PDZD2: variants seen among roughly 807,000 people sequenced by gnomAD.
The protein encoded by PDZD2 is PDZ domain containing 2.
PDZD2 carries 90 observed loss-of-function variants against 220.7 expected under a neutral mutation model. That is an observed-to-expected ratio of 0.41 (90% confidence interval 0.34 to 0.49). PDZD2 has a LOEUF of 0.49. PDZD2 is among the 20% of genes least tolerant of loss of function. The probability of loss-of-function intolerance (pLI) is 0.28; values close to 1 mark genes in which losing one functional copy is unlikely to be tolerated. For synonymous variants in PDZD2, 1,375 were observed against 1,450.5 expected, an observed-to-expected ratio of 0.95 and a Z score of 1.18; for missense variants, 3,174 against 3,608.5, an observed-to-expected ratio of 0.88 and a Z score of 3.08.
In PDZD2 at chr5:32,014,254, T is replaced by G. The variant is rs1561350609; in HGVS notation, c.1407+3772T>G. 2.0e-5 allele frequency among the ~76,000 whole-genome samples: 3 copies of G among 152,222 alleles called. No individual in the cohort carries two copies. In the South Asian group the frequency reaches 6.2e-4, roughly 32 times the overall value. On this transcript the variant is annotated intron_variant, in intron 6 of 24. Coordinates refer to ENST00000438447, the MANE Select transcript of PDZD2 (RefSeq NM_178140.4). ...CTGTTTTTGCACCTGTATGTCGTCGTGTACTCCGAGCACTTAAGCTGAGCA... is the reference window on the plus strand; with the variant it reads ...CTGTTTTTGCACCTGTATGTCGTCGGGTACTCCGAGCACTTAAGCTGAGCA...
rs1276461348 is a variant in PDZD2 at position 31,850,045 on chromosome 5, TATATAC to T, written c.476+50322_476+50327del. The stretch of plus-strand genomic sequence containing the variant: ...ATATACTCATATATACACGTATATA[TATATAC>T]GTGTATATATAAGTATATATATGTG... On this transcript the variant is annotated intron_variant, in intron 2 of 24. Transcript: ENST00000438447. 2.9e-5 allele frequency among the ~76,000 whole-genome samples: 4 copies of T among 138,042 alleles called. 1 individual carries two copies. The highest frequency in any genetic ancestry group is 1.1e-4 in the African/African-American group (4 of 36,706). The allele number at this position is 138,042 out of a possible 152,430, so 90.6% of individuals were successfully genotyped here. A position where few individuals can be genotyped will look rare whatever the true frequency, so the allele number is the denominator to read the frequency against.
intron 8 of PDZD2, among the ~76,000 whole-genome samples, chr5:32,051,981 T>TC (rs1738602510): frequency 6.6e-6 from 1 of 152,186 alleles, no homozygotes. Context: ...CCACAGGTGG[T>TC]CATCCTGTAT....
rs879288343 is a variant in PDZD2, at chr5:31,975,793, C to CTTTTTTTTTTTTTTTTT, written c.477-7353_477-7352insTTTTTTTTTTTTTTTTT. Among the ~76,000 whole-genome samples the CTTTTTTTTTTTTTTTTT allele has an allele frequency of 1.6e-4, 9 of 55,182 alleles. 4 individuals are homozygous for CTTTTTTTTTTTTTTTTT. The highest frequency in any genetic ancestry group is 2.2e-4 in the Non-Finnish European group (7 of 32,318). 36.2% of individuals were successfully genotyped at this position (55,182 alleles called of 152,430 possible). On this transcript the variant is annotated intron_variant, in intron 2 of 24. Transcript: ENST00000438447. ...ATGAGCACACTGAAGGTATCAGTCA[C>CTTTTTTTTTTTTTTTTT]TTTTTTTTTATTTATTTTTTTTTTT...
chr5:32,000,832 AT>A lies in PDZD2; in HGVS notation c.1254+562del, dbSNP rs1343617729. The stretch of plus-strand genomic sequence containing the variant: ...GCCCTTTAAGAGTTTTTATAGGTAT[AT>A]GTTAGGGCAGGTGTCCCCAGCCCCT... On this transcript the variant is annotated intron_variant, in intron 5 of 24. Coordinates refer to ENST00000438447, the MANE Select transcript of PDZD2 (RefSeq NM_178140.4). This position sits in a 1 kb window ranked among gnomAD's most constrained non-coding sequence, Gnocchi z 4.5. 6.6e-6 allele frequency among the ~76,000 whole-genome samples: 1 copy of A among 152,104 alleles called. No individual in the cohort carries two copies. The highest frequency in any genetic ancestry group is 1.5e-5 in the Non-Finnish European group (1 of 68,018).
chr5:31,728,574 T>C (rs1561412467), intron 1 of PDZD2, among the ~76,000 whole-genome samples: 1 of 152,330 alleles, frequency 6.6e-6, no homozygotes, highest in East Asian at 1.9e-4. Context: ...ACATTCGATC[T>C]GATGCTTCGT....
chr5:32,010,148 T>C (rs1423222), intron 5 of PDZD2, among the ~76,000 whole-genome samples, 182 bp from the exon 6 acceptor site: 19,953 of 146,382 alleles, frequency 0.14, 1,650 homozygotes, highest in South Asian at 0.3. Context: ...GGGGAAAAAA[T>C]GGATTTGGGT....
intron 2 of PDZD2, among the ~76,000 whole-genome samples, chr5:31,909,679 G>A (rs1305531892): frequency 1.3e-5 from 2 of 152,112 alleles, no homozygotes; most frequent in East Asian, 3.8e-4. Context: ...AAATAGTCAT[G>A]TATAGCTCTA....
At chr5:31,901,001 A>G (rs1167741200) in intron 2 of PDZD2, among the ~76,000 whole-genome samples, 1 of 152,218 alleles carries the variant, frequency 6.6e-6, no homozygotes, top group African/African-American at 2.4e-5. Flanking sequence ...TTCTCTGAAC[A>G]CTAGTGTGTT....
chr5:32,089,086 A>G lies in PDZD2; in HGVS notation c.5638A>G (p.Lys1880Glu), dbSNP rs1356111799. 1.9e-6 allele frequency: 3 copies of G among 1,614,038 alleles called. No individual in the cohort carries two copies. The highest frequency in any genetic ancestry group is 1.1e-5 in the South Asian group (1 of 91,076). The change falls in exon 20 of 25, where the codon AAG (lysine) becomes GAG (glutamate). Residue 1880 changes from lysine to glutamate, a missense_variant. Physicochemically the swap from Lys to Glu is moderately conservative, Grantham distance 56. Coordinates refer to ENST00000438447, the MANE Select transcript of PDZD2 (RefSeq NM_178140.4). ...EMLLTNGQKA[K>E]CGPKLKRLSL... is the part of the protein sequence containing the mutation. ...GCTTCTGACTAATGGTCAGAAGGCAAAGTGTGGTCCGAAGCTGAAGAGGCT... is the reference window on the plus strand; with the variant it reads ...GCTTCTGACTAATGGTCAGAAGGCAGAGTGTGGTCCGAAGCTGAAGAGGCT...
chr5:31,848,565 A>T (rs530521384), intron 2 of PDZD2, among the ~76,000 whole-genome samples: 1 of 151,860 alleles, frequency 6.6e-6, no homozygotes, highest in Middle Eastern at 3.4e-3. Context: ...CCTGGCCAAC[A>T]TGGTGAAACC....
intron 6 of PDZD2, among the ~76,000 whole-genome samples, chr5:32,035,890 T>C (rs1192073064): frequency 6.6e-6 from 1 of 152,240 alleles, no homozygotes; most frequent in African/African-American, 2.4e-5. Context: ...CTGAATGGCA[T>C]CTTTAAGAGA....
intron 2 of PDZD2, among the ~76,000 whole-genome samples, chr5:31,886,326 C>T (rs1396375387): frequency 6.6e-6 from 1 of 152,124 alleles, no homozygotes; most frequent in East Asian, 1.9e-4. Context: ...CGACTCCAAG[C>T]TTTGGTTGAG....
Position 32,102,752 on chromosome 5 carries a change from G to A in PDZD2, c.8353+1513G>A, listed in dbSNP as rs114595346. Among the ~76,000 whole-genome samples the A allele has an allele frequency of 5.5e-3, 834 of 152,130 alleles. 6 individuals are homozygous for A. Among genetic ancestry groups the A allele is most frequent in the Middle Eastern group, 0.014 (4 of 294 alleles). Reference sequence around the variant, plus strand: ...GGAATGTTACCCATGAAACAGGACCGAAGAGGGTATTCAGAAGGAGCAAGC... The same window carrying A: ...GGAATGTTACCCATGAAACAGGACCAAAGAGGGTATTCAGAAGGAGCAAGC... On this transcript the variant is annotated intron_variant, in intron 24 of 24. Transcript: ENST00000438447.
intron 6 of PDZD2, among the ~76,000 whole-genome samples, chr5:32,023,629 C>G (rs1754398605): frequency 6.6e-6 from 1 of 152,172 alleles, no homozygotes; most frequent in South Asian, 2.1e-4. Context: ...AGATACCATG[C>G]TAGCTTCTTG....
At chr5:32,037,394 C>A in intron 7 of PDZD2, 52 bp downstream of exon 7, 1 of 1,034,520 alleles carries the variant, frequency 9.7e-7, no homozygotes. Context: ...TTTTCAGCCT[C>A]AGGAGCAGGG....
At chr5:32,058,421 C>T (rs1362526945) in intron 12 of PDZD2, among the ~76,000 whole-genome samples, 3 of 149,560 alleles carry the variant, frequency 2.0e-5, no homozygotes, top group African/African-American at 7.5e-5. Flanking sequence ...GTAATCCTAG[C>T]ACTTTGGGAA....
chr5:32,043,019 C>A (rs772202763), intron 7 of PDZD2, among the ~76,000 whole-genome samples: 1 of 152,240 alleles, frequency 6.6e-6, no homozygotes, highest in Non-Finnish European at 1.5e-5. Flanking sequence ...GGAAAAAGAT[C>A]TGCCTCCCAG....
chr5:31,808,624 C>T (rs997944904), intron 2 of PDZD2, among the ~76,000 whole-genome samples: 2 of 152,152 alleles, frequency 1.3e-5, no homozygotes, highest in Non-Finnish European at 2.9e-5. Context: ...AGAAGAGTGA[C>T]GCCTAGAATT....
At chr5:31,853,045 A>G (rs1008516361) in intron 2 of PDZD2, among the ~76,000 whole-genome samples, 1 of 152,252 alleles carries the variant, frequency 6.6e-6, no homozygotes, top group Non-Finnish European at 1.5e-5. Flanking sequence ...AATTATTATT[A>G]GAAAATTATT....
Sources: gnomAD v4.1 joint callset for allele counts (sites outside exome capture counted in the v4.1 genomes callset) on GRCh38, gnomAD v4.1.1 for gene constraint, Gnocchi (gnomAD v3.1) non-coding constraint, MANE v1.5 for transcripts, NCBI Gene and HGNC (gene_info 2026-07-23, HGNC 2026-07-21) for gene names.